Variants in BIRC2 observed in about 807,000 individuals in gnomAD.
BIRC2 encodes baculoviral IAP repeat-containing protein 2.
A neutral mutation model predicts 60.9 loss-of-function variants in BIRC2; 18 were observed. That is an observed-to-expected ratio of 0.30 (90% CI 0.20 to 0.44). The LOEUF is 0.44. Ranked by LOEUF, BIRC2 falls within the 20% of genes least tolerant of loss-of-function variation. BIRC2 has a pLI of 1.00. For missense variants in BIRC2, 701 were observed against 728.5 expected, an observed-to-expected ratio of 0.96 and a Z score of 0.43; for synonymous variants, 282 against 247.7, an observed-to-expected ratio of 1.14 and a Z score of -1.30.
intron 4 of BIRC2, 81 bp downstream of exon 4, chr11:102,363,055 C>A: frequency 8.9e-7 from 1 of 1,128,308 alleles, no homozygotes; most frequent in South Asian, 1.4e-5. Context: ...TAAAAGTGAT[C>A]ATGATTTTTG....
In BIRC2 at chr11:102,362,814, T is replaced by C. The variant is rs984669222; in HGVS notation, c.996-82T>C. The C allele has an allele frequency of 8.4e-5, 94 of 1,120,044 alleles. No homozygotes were observed. The African/African-American group carries it at 1.3e-3, about 16-fold the overall frequency. 69.4% of individuals were successfully genotyped at this position (1,120,044 alleles called of 1,614,324 possible). On this transcript the variant is annotated intron_variant, in intron 3 of 8. Coordinates refer to ENST00000227758, the MANE Select transcript of BIRC2 (RefSeq NM_001166.5). ...TTTTACTATGGAGTACAATGAAAGA[T>C]TTGAAAGCCATTTTTCTAGAATGAT...
chr11:102,351,753 T>A (rs569091765), intron 3 of BIRC2, among the ~76,000 whole-genome samples: 272 of 152,314 alleles, frequency 1.8e-3, no homozygotes, highest in Admixed American at 3.1e-3. Context: ...GTGTCTTTTT[T>A]TATTATAGCC....
intron 3 of BIRC2, among the ~76,000 whole-genome samples, chr11:102,360,155 C>T (rs910592674): frequency 5.7e-4 from 87 of 151,974 alleles, no homozygotes; most frequent in African/African-American, 2.0e-3. Flanking sequence ...TTAGTAGAGA[C>T]GGGGTTTTGC....
intron 6 of BIRC2, 74 bp from the exon 7 acceptor site, chr11:102,377,422 G>A (rs1305867014): frequency 7.5e-7 from 1 of 1,338,412 alleles, no homozygotes; most frequent in Non-Finnish European, 1.0e-6. Context: ...TGTAGGGTTG[G>A]TTATTAGTGA....
intron 1 of BIRC2, chr11:102,348,287 A>G (rs1221310469): frequency 1.3e-5 from 2 of 152,862 alleles, no homozygotes; most frequent in Admixed American, 6.5e-5. Flanking sequence ...GCAGAGTGCC[A>G]GAGTTACCTT....
intron 6 of BIRC2, among the ~76,000 whole-genome samples, chr11:102,369,941 T>C (rs1465301401): frequency 2.0e-5 from 3 of 151,800 alleles, no homozygotes; most frequent in Non-Finnish European, 2.9e-5. Flanking sequence ...TTTCATGTGT[T>C]TTTTGGCTGC....
rs935455612 is a variant in BIRC2 at position 102,349,604 on chromosome 11, T to C, written c.-251T>C. The C allele has an allele frequency of 3.4e-5, 12 of 350,636 alleles. No homozygotes were observed. The highest frequency in any genetic ancestry group is 2.3e-4 in the African/African-American group (11 of 48,234). 21.7% of individuals were successfully genotyped at this position (350,636 alleles called of 1,614,324 possible). On this transcript the variant is annotated 5_prime_UTR_variant, in exon 2 of 9. It removes an upstream start codon present in the reference 5' UTR. Coordinates refer to ENST00000227758, the MANE Select transcript of BIRC2 (RefSeq NM_001166.5). Reference sequence around the variant, plus strand: ...TTTAAGTTAGTATTACTCAAGATTATGAACAAATAGCACTTAGGTTACCTG... The same window carrying C: ...TTTAAGTTAGTATTACTCAAGATTACGAACAAATAGCACTTAGGTTACCTG...
At chr11:102,359,707 G>T (rs1951464308) in intron 3 of BIRC2, among the ~76,000 whole-genome samples, 1 of 152,136 alleles carries the variant, frequency 6.6e-6, no homozygotes, top group African/African-American at 2.4e-5. Context: ...TCCACTTGTG[G>T]TCTTATAGGG....
intron 3 of BIRC2, among the ~76,000 whole-genome samples, chr11:102,351,507 C>G (rs905108246): frequency 6.9e-6 from 1 of 143,906 alleles, no homozygotes; most frequent in Non-Finnish European, 1.5e-5. Flanking sequence ...CCCAGCTTCT[C>G]GGGAGGCTGA....
intron 6 of BIRC2, among the ~76,000 whole-genome samples, chr11:102,375,130 C>A (rs867431750): frequency 2.6e-5 from 4 of 152,202 alleles, no homozygotes; most frequent in Non-Finnish European, 4.4e-5. Context: ...CCGTCTTGTG[C>A]GTCGCTCACG....
intron 6 of BIRC2, among the ~76,000 whole-genome samples, chr11:102,373,261 C>T (rs1381513714): frequency 6.6e-6 from 1 of 152,168 alleles, no homozygotes; most frequent in African/African-American, 2.4e-5. Context: ...TCTTCCTAGT[C>T]TCAATGGTCT....
intron 5 of BIRC2, among the ~76,000 whole-genome samples, chr11:102,366,867 T>C (rs148843165): frequency 5.8e-4 from 89 of 152,306 alleles, no homozygotes; most frequent in African/African-American, 2.1e-3. Flanking sequence ...GAATAAAATA[T>C]AAACTCTTAG....
At position 102,377,352 on chromosome 11, in the gene BIRC2, T is replaced by A; in HGVS notation, c.1367-144T>A. On this transcript the variant is annotated intron_variant, in intron 6 of 8. Transcript: ENST00000227758. The stretch of plus-strand genomic sequence containing the variant: ...TCTGGAAGTTTTCCAAACAACAAAC[T>A]TACAAATGCAAACAAGTTACTTTGT... The A allele has an allele frequency of 1.1e-5, 8 of 714,340 alleles. No individual in the cohort carries two copies. In the Admixed American group the frequency reaches 2.3e-4, roughly 20 times the overall value. The allele number at this position is 714,340 out of a possible 1,614,324, so 44.3% of individuals were successfully genotyped here. A position where few individuals can be genotyped will look rare whatever the true frequency, so the allele number is the denominator to read the frequency against.
intron 6 of BIRC2, among the ~76,000 whole-genome samples, chr11:102,374,139 T>G (rs1188052262): frequency 6.7e-6 from 1 of 150,214 alleles, no homozygotes; most frequent in Non-Finnish European, 1.5e-5. Context: ...CAGAGTAATT[T>G]GATCGTCTGA....
At position 102,377,582 on chromosome 11, in the gene BIRC2, G is replaced by A; in HGVS notation, c.1453G>A (p.Ala485Thr). 6.2e-7 allele frequency: 1 copy of A among 1,611,144 alleles called. No individual in the cohort carries two copies. Among genetic ancestry groups the A allele is most frequent in the Non-Finnish European group, 8.5e-7 (1 of 1,178,682 alleles). Residue 485 changes from alanine to threonine, a missense_variant, in exon 7 of 9, where the codon GCC becomes ACC. Coordinates refer to ENST00000227758, the MANE Select transcript of BIRC2 (RefSeq NM_001166.5). The part of the protein sequence containing the change: ...VLPILDNLLK[A>T]NVINKQEHDI... ...TCCTATCCTGGATAATCTTTTAAAG[G>A]CCAATGTAATTAATAAACAGGAACA...
At chr11:102,348,326 A>C (rs1407313095) in intron 1 of BIRC2, 1 of 153,136 alleles carries the variant, frequency 6.5e-6, no homozygotes, top group African/African-American at 2.4e-5. Context: ...GAGAGCAAGG[A>C]CAAAATGTTT....
chr11:102,365,004 T>C lies in BIRC2; in HGVS notation c.1123+1288T>C, dbSNP rs34677842. Among the ~76,000 whole-genome samples, 251 of 152,350 alleles carry C rather than the reference T, an allele frequency of 1.6e-3. 7 individuals carry two copies. Among genetic ancestry groups the C allele is most frequent in the East Asian group, 0.014 (73 of 5,190 alleles). The stretch of plus-strand genomic sequence containing the variant: ...TTCTTGTTTTCTGTCTTGATAATTT[T>C]CTAACACTCTCTTCCCACCTTACTG... On this transcript the variant is annotated intron_variant, in intron 5 of 8. Coordinates refer to ENST00000227758, the MANE Select transcript of BIRC2 (RefSeq NM_001166.5).
In BIRC2 at chr11:102,377,483, T is replaced by G. The variant is rs767133713; in HGVS notation, c.1367-13T>G. ...TAAAATCTAATGGATTTCTTTTTCT[T>G]TTTTTAATGAAGATGATTTGTCATT... On this transcript the variant is annotated splice_polypyrimidine_tract_variant and intron_variant, in intron 6 of 8. Transcript: ENST00000227758. The G allele has an allele frequency of 6.3e-7, 1 of 1,578,174 alleles. No individual in the cohort carries two copies.
chr11:102,347,266 G>GCTGAT lies in BIRC2; in HGVS notation c.-1366_-1362dup, dbSNP rs1483248086. The GCTGAT allele has an allele frequency of 6.6e-6, 1 of 152,322 alleles. No homozygotes were observed. The highest frequency in any genetic ancestry group is 1.9e-4 in the East Asian group (1 of 5,196). The allele number at this position is 152,322 out of a possible 1,614,324, so 9.4% of individuals were successfully genotyped here. ...GGCGGCGGGCTTCGGGAGCGCCCGG[G>GCTGAT]CTGATCCGAGCCGAGCGGGCCGTAT... On this transcript the variant is annotated 5_prime_UTR_variant, in exon 1 of 9. The change creates a premature stop within an existing upstream ORF in the 5' untranslated region. Transcript: ENST00000227758.
Sources: gnomAD v4.1 joint callset for allele counts (sites outside exome capture counted in the v4.1 genomes callset) on GRCh38, gnomAD v4.1.1 for gene constraint, MANE v1.5 for transcripts, NCBI Gene and HGNC (gene_info 2026-07-23, HGNC 2026-07-21) for gene names.